SORCS2: variants seen among roughly 807,000 people sequenced by gnomAD.
SORCS2 encodes sortilin related VPS10 domain containing receptor 2, also known as VPS10 domain-containing receptor SorCS2.
Under a neutral mutation model 141.6 loss-of-function variants are expected in SORCS2, and 100 were observed. The ratio of observed to expected loss-of-function variants is 0.71; its 90% CI spans 0.60 to 0.83. SORCS2 has a LOEUF of 0.83. SORCS2 is among the 40% of genes least tolerant of loss of function. The pLI is 0.00. For synonymous variants in SORCS2, 789 were observed against 676.9 expected (o/e 1.17, Z -2.57); for missense variants, 1,646 against 1,560.2 (o/e 1.05, Z -0.93).
chr4:7,514,576 G>C (rs1165356571), intron 2 of SORCS2, among the ~76,000 whole-genome samples: 5 of 152,020 alleles, frequency 3.3e-5, no homozygotes, highest in African/African-American at 4.8e-5. Context: ...ATGCAGTGAG[G>C]GGCTTCCCAC....
At chr4:7,571,801 G>A (rs1276756729) in intron 3 of SORCS2, among the ~76,000 whole-genome samples, 1 of 152,216 alleles carries the variant, frequency 6.6e-6, no homozygotes. Flanking sequence ...TAATCATGGT[G>A]ATTATCATCA....
At chr4:7,658,383 C>T (rs1721943166) in intron 5 of SORCS2, among the ~76,000 whole-genome samples, 1 of 151,638 alleles carries the variant, frequency 6.6e-6, no homozygotes, top group Non-Finnish European at 1.5e-5. Context: ...GTCATTGCCC[C>T]TCTTCACAGA....
intron 3 of SORCS2, among the ~76,000 whole-genome samples, chr4:7,563,658 T>C (rs1401583812): frequency 6.6e-6 from 1 of 152,214 alleles, no homozygotes; most frequent in Non-Finnish European, 1.5e-5. Flanking sequence ...CCTCCATTGA[T>C]GGGAGCCTCA....
intron 3 of SORCS2, among the ~76,000 whole-genome samples, chr4:7,569,787 C>T (rs1217336184): frequency 6.6e-6 from 1 of 152,184 alleles, no homozygotes; most frequent in Non-Finnish European, 1.5e-5. Context: ...CTGATGAATG[C>T]AGTGAGGTGC....
intron 2 of SORCS2, among the ~76,000 whole-genome samples, chr4:7,530,607 G>A (rs1022400340): frequency 6.6e-6 from 1 of 152,346 alleles, no homozygotes; most frequent in Middle Eastern, 3.4e-3. Context: ...TACAGTCGGG[G>A]CATATCCTGC....
intron 1 of SORCS2, among the ~76,000 whole-genome samples, chr4:7,220,885 C>A (rs1273968916): frequency 6.6e-6 from 1 of 152,006 alleles, no homozygotes; most frequent in Non-Finnish European, 1.5e-5. Context: ...CTCCAGGTTG[C>A]CATAGAAAGA....
rs573464873 is a variant in SORCS2 at position 7,618,855 on chromosome 4, C to T, written c.649-19473C>T. On this transcript the variant is annotated intron_variant, in intron 3 of 26. Coordinates refer to ENST00000507866, the MANE Select transcript of SORCS2 (RefSeq NM_020777.3). ...GTGCGCAAACACACACACACACACACACAAACACACACACCACCGTCCTGG... is the reference window on the plus strand; with the variant it reads ...GTGCGCAAACACACACACACACACATACAAACACACACACCACCGTCCTGG... 2.9e-3 allele frequency among the ~76,000 whole-genome samples: 438 copies of T among 152,032 alleles called. 2 individuals are homozygous for T. The highest frequency in any genetic ancestry group is 0.01 in the African/African-American group (421 of 41,458).
At chr4:7,429,213 G>A (rs1726659806) in intron 2 of SORCS2, among the ~76,000 whole-genome samples, 1 of 152,176 alleles carries the variant, frequency 6.6e-6, no homozygotes, top group South Asian at 2.1e-4. Flanking sequence ...ACATCACGAT[G>A]TCCCTGCGGC....
intron 1 of SORCS2, among the ~76,000 whole-genome samples, chr4:7,218,067 G>A (rs182382613): frequency 1.5e-3 from 228 of 152,314 alleles, no homozygotes; most frequent in African/African-American, 5.3e-3. Context: ...TGAATGGCCA[G>A]GGTGGGCAGA....
rs1263309594 is a variant in SORCS2, at chr4:7,654,208, G to A, written c.887+1G>A. The A allele has an allele frequency of 6.4e-7, 1 of 1,571,998 alleles. No individual in the cohort carries two copies. The highest frequency in any genetic ancestry group is 8.6e-7 in the Non-Finnish European group (1 of 1,157,204). ...GAGTGACCAAAGACCACGTGTTCTG[G>A]TGAGAGCACTTCCCCACCCCAAACC... On this transcript the variant is annotated splice_donor_variant, in intron 5 of 26. Transcript: ENST00000507866. LOFTEE classifies it high-confidence loss of function.
chr4:7,269,321 G>C (rs533132632), intron 1 of SORCS2, among the ~76,000 whole-genome samples: 1 of 152,322 alleles, frequency 6.6e-6, no homozygotes, highest in South Asian at 2.1e-4. Flanking sequence ...GTGCAGGGCC[G>C]CCAGGGCCCC....
intron 2 of SORCS2, among the ~76,000 whole-genome samples, chr4:7,485,148 T>A (rs1176973453): frequency 6.6e-6 from 1 of 152,160 alleles, no homozygotes; most frequent in East Asian, 1.9e-4. Flanking sequence ...ACTCCCACTT[T>A]CGTTTGCTCA....
chr4:7,239,645 G>A (rs1016704499), intron 1 of SORCS2, among the ~76,000 whole-genome samples: 1 of 152,262 alleles, frequency 6.6e-6, no homozygotes, highest in South Asian at 2.1e-4. Context: ...CGGCTGGGTC[G>A]CTGGGCGAGT....
chr4:7,560,655 G>A (rs2109670081), intron 3 of SORCS2, among the ~76,000 whole-genome samples: 1 of 152,184 alleles, frequency 6.6e-6, no homozygotes, highest in East Asian at 1.9e-4. Context: ...GACGGCTCTG[G>A]GTACATGGGG....
intron 14 of SORCS2, among the ~76,000 whole-genome samples, chr4:7,709,351 C>A (rs375817503): frequency 4.6e-5 from 7 of 152,214 alleles, no homozygotes; most frequent in Non-Finnish European, 8.8e-5. Flanking sequence ...CCCTTCGCCC[C>A]GGCTGTCATG....
chr4:7,476,499 C>T (rs758083752), intron 2 of SORCS2, among the ~76,000 whole-genome samples: 3 of 152,106 alleles, frequency 2.0e-5, no homozygotes, highest in African/African-American at 4.8e-5. Context: ...TCCATAGCAG[C>T]GCCTGGATGA....
chr4:7,592,880 A>G (rs778424010), intron 3 of SORCS2, among the ~76,000 whole-genome samples: 6 of 152,258 alleles, frequency 3.9e-5, no homozygotes, highest in Admixed American at 6.5e-5. Context: ...CCTGGCTCAT[A>G]GTAGTTGTAA....
intron 14 of SORCS2, among the ~76,000 whole-genome samples, chr4:7,707,119 G>A (rs1725522379): frequency 6.6e-6 from 1 of 152,232 alleles, no homozygotes; most frequent in Non-Finnish European, 1.5e-5. Context: ...GTCCTCTCCG[G>A]GCCGAGCAGA....
At chr4:7,674,450 G>C (rs1722978374) in intron 8 of SORCS2, among the ~76,000 whole-genome samples, 2 of 151,960 alleles carry the variant, frequency 1.3e-5, no homozygotes, top group African/African-American at 4.8e-5. Flanking sequence ...GCAGGCGCCT[G>C]TAATCCCAGC....
Sources: allele counts gnomAD v4.1 joint callset (sites outside exome capture counted in the v4.1 genomes callset), GRCh38; gene constraint gnomAD v4.1.1; transcripts MANE v1.5; gene names NCBI Gene and HGNC (gene_info 2026-07-23, HGNC 2026-07-21).